Variants in MED12L observed in about 807,000 individuals in gnomAD.
MED12L encodes mediator of RNA polymerase II transcription subunit 12-like protein.
Under a neutral mutation model 281.3 loss-of-function variants are expected in MED12L, and 60 were observed. The ratio of observed to expected loss-of-function variants is 0.21; its 90% CI spans 0.17 to 0.26. MED12L has a LOEUF of 0.26. MED12L is among the 10% of genes least tolerant of loss of function. MED12L has a pLI of 1.00. For missense variants in MED12L, 2,146 were observed against 2,680.9 expected, an observed-to-expected ratio of 0.80 and a Z score of 4.41; for synonymous variants, 974 against 987.2, an observed-to-expected ratio of 0.99 and a Z score of 0.25.
At chr3:151,412,357 C>T (rs571232523) in intron 41 of MED12L, among the ~76,000 whole-genome samples, 23 of 152,298 alleles carry the variant, frequency 1.5e-4, no homozygotes, top group African/African-American at 4.6e-4. Context: ...TTATGCAGTT[C>T]GTTCTTGTGG....
intron 11 of MED12L, among the ~76,000 whole-genome samples, chr3:151,166,842 A>AT (rs1297218517): frequency 2.0e-4 from 31 of 151,914 alleles, no homozygotes; most frequent in Non-Finnish European, 3.8e-4. Context: ...TGCTCAGCTA[A>AT]TTTTTTGTAT....
chr3:151,296,425 G>C (rs2149700453), intron 16 of MED12L, among the ~76,000 whole-genome samples: 1 of 152,276 alleles, frequency 6.6e-6, no homozygotes, highest in South Asian at 2.1e-4. Flanking sequence ...CCCGCGGACT[G>C]CTCCAGGCCT....
rs1719821388 is a variant in MED12L at position 151,434,063 on chromosome 3, T to C, written c.*1259T>C. The C allele has an allele frequency of 1.3e-5, 2 of 152,562 alleles. No individual in the cohort carries two copies. The highest frequency in any genetic ancestry group is 4.8e-5 in the African/African-American group (2 of 41,448). The allele number at this position is 152,562 out of a possible 1,614,324, so 9.5% of individuals were successfully genotyped here. ...TTTTTTTAGATTTAGATGCATAAAA[T>C]TTTGAATGTGAAAATTGCAGGGCAT... On this transcript the variant is annotated 3_prime_UTR_variant, in exon 45 of 45. Transcript: ENST00000687756.
At chr3:151,116,920 T>A (rs1256238497) in intron 3 of MED12L, among the ~76,000 whole-genome samples, 1 of 152,192 alleles carries the variant, frequency 6.6e-6, no homozygotes, top group Non-Finnish European at 1.5e-5. Context: ...CTCCCTGCAT[T>A]GGAAAGGTAG....
At chr3:151,164,074 G>C (rs1451848652) in intron 9 of MED12L, 32 bp downstream of exon 9, 1 of 1,605,168 alleles carries the variant, frequency 6.2e-7, no homozygotes, top group Admixed American at 1.7e-5. Flanking sequence ...TTTGATGGCT[G>C]TTTTCATTCT....
intron 16 of MED12L, among the ~76,000 whole-genome samples, chr3:151,252,569 TTC>T (rs1737056521): frequency 6.6e-6 from 1 of 152,214 alleles, no homozygotes; most frequent in African/African-American, 2.4e-5. Context: ...TTCCTTAATT[TTC>T]TCTTTCAAGT....
chr3:151,324,209 G>A (rs187898224), intron 16 of MED12L, among the ~76,000 whole-genome samples: 2 of 152,304 alleles, frequency 1.3e-5, no homozygotes, highest in East Asian at 1.9e-4. Context: ...TCATAAGATT[G>A]TAGTAAGAAT....
chr3:151,119,137 C>A (rs1713347823), intron 3 of MED12L, among the ~76,000 whole-genome samples: 2 of 152,118 alleles, frequency 1.3e-5, no homozygotes, highest in Admixed American at 1.3e-4. Flanking sequence ...TTGACTGAAA[C>A]CTCTATATAC....
At chr3:151,397,191 A>G (rs996973110) in intron 39 of MED12L, among the ~76,000 whole-genome samples, 1 of 152,204 alleles carries the variant, frequency 6.6e-6, no homozygotes, top group Non-Finnish European at 1.5e-5. Context: ...GCTCCACTTC[A>G]TAACAGTGAT....
chr3:151,181,067 G>A (rs888784550), intron 11 of MED12L, among the ~76,000 whole-genome samples: 4 of 150,928 alleles, frequency 2.7e-5, no homozygotes, highest in African/African-American at 7.3e-5. Context: ...CTGTTTTCTC[G>A]GTGGTTAAGT....
At chr3:151,166,745 G>A (rs540431275) in intron 11 of MED12L, among the ~76,000 whole-genome samples, 7 of 151,698 alleles carry the variant, frequency 4.6e-5, no homozygotes, top group Admixed American at 3.3e-4. Flanking sequence ...GTGCAATCTC[G>A]GCTCACTGCA....
intron 16 of MED12L, among the ~76,000 whole-genome samples, chr3:151,290,743 A>G (rs943886670): frequency 2.0e-5 from 3 of 152,120 alleles, no homozygotes; most frequent in Non-Finnish European, 4.4e-5. Context: ...ACACATTTGT[A>G]TACATTAGCA....
chr3:151,156,702 C>G (rs573016537), intron 6 of MED12L, among the ~76,000 whole-genome samples: 2 of 152,262 alleles, frequency 1.3e-5, no homozygotes, highest in South Asian at 4.1e-4. Context: ...CTAAGTTGTT[C>G]CAGAGAAAGG....
chr3:151,174,899 T>C (rs1658053388), intron 11 of MED12L, among the ~76,000 whole-genome samples: 1 of 148,586 alleles, frequency 6.7e-6, no homozygotes, highest in Non-Finnish European at 1.5e-5. Context: ...ACTATATTCC[T>C]CAGGCTGGTG....
intron 16 of MED12L, among the ~76,000 whole-genome samples, chr3:151,226,328 G>A (rs1315074038): frequency 6.6e-6 from 1 of 152,206 alleles, no homozygotes; most frequent in Non-Finnish European, 1.5e-5. Context: ...GTCACAGTGG[G>A]GGAAAATGGA....
intron 16 of MED12L, among the ~76,000 whole-genome samples, chr3:151,269,052 TG>T (rs1345015981): frequency 6.6e-5 from 10 of 152,268 alleles, no homozygotes; most frequent in Non-Finnish European, 1.0e-4. Flanking sequence ...TTGGCCTCTC[TG>T]GGCTTGCTGA....
At chr3:151,289,962 C>A (rs1744031631) in intron 16 of MED12L, among the ~76,000 whole-genome samples, 2 of 151,826 alleles carry the variant, frequency 1.3e-5, no homozygotes, top group African/African-American at 4.8e-5. Context: ...ATCACTGCAA[C>A]CTCCGCCTCC....
rs1156417354 is a variant in MED12L at position 151,377,273 on chromosome 3, A to G, written c.4316+95A>G. Reference sequence around the variant, plus strand: ...CAGTGATTTTTCTTTAAGTCATAGGAATGTGAAGAACATAGTTACTTGTAA... The same window carrying G: ...CAGTGATTTTTCTTTAAGTCATAGGGATGTGAAGAACATAGTTACTTGTAA... On this transcript the variant is annotated intron_variant, in intron 30 of 44. Transcript: ENST00000687756. The G allele has an allele frequency of 7.4e-6, 7 of 944,642 alleles. No individual in the cohort carries two copies. In the East Asian group the frequency reaches 1.0e-4, roughly 14 times the overall value. The allele number at this position is 944,642 out of a possible 1,614,324, so 58.5% of individuals were successfully genotyped here.
rs928039724 is a variant in MED12L, at chr3:151,436,376, A to T, written c.*3572A>T. ...ACTAGGCAACTGGTATTAGAAGTTC[A>T]TTTTTTTACTGAAAAATTCAGGTAC... On this transcript the variant is annotated 3_prime_UTR_variant, in exon 45 of 45. Coordinates refer to ENST00000687756, the MANE Select transcript of MED12L (RefSeq NM_001393769.1). The T allele has an allele frequency of 4.4e-6, 1 of 228,538 alleles. No individual in the cohort carries two copies. Among genetic ancestry groups the T allele is most frequent in the Non-Finnish European group, 8.6e-6 (1 of 116,322 alleles). 14.2% of individuals were successfully genotyped at this position (228,538 alleles called of 1,614,324 possible). A position where few individuals can be genotyped will look rare whatever the true frequency, so the allele number is the denominator to read the frequency against.
Sources: allele counts gnomAD v4.1 joint callset (sites outside exome capture counted in the v4.1 genomes callset), GRCh38; gene constraint gnomAD v4.1.1; transcripts MANE v1.5; gene names NCBI Gene and HGNC (gene_info 2026-07-23, HGNC 2026-07-21).